Variants in COMMD10 observed in about 807,000 individuals in gnomAD.
The protein encoded by COMMD10 is COMM domain-containing protein 10.
COMMD10 carries 33 observed loss-of-function variants against 28.9 expected under a neutral mutation model. The observed-to-expected ratio is 1.14, with a 90% CI of 0.87 to 1.53. The LOEUF (loss-of-function observed/expected upper bound fraction) is 1.53, where lower values mean the gene tolerates loss of function less well. Ranked by LOEUF, COMMD10 falls within the 40% of genes most tolerant of loss-of-function variation. The pLI is 0.00. For synonymous variants in COMMD10, 110 were observed against 81.7 expected (o/e 1.35, Z -1.87); for missense variants, 310 against 233.4 (o/e 1.33, Z -2.14).
chr5:116,259,168 T>C (rs1190673027), intron 5 of COMMD10, among the ~76,000 whole-genome samples: 1 of 151,152 alleles, frequency 6.6e-6, no homozygotes, highest in East Asian at 1.9e-4. Flanking sequence ...GTTCAAGTGA[T>C]TCTCCCACCT....
intron 5 of COMMD10, among the ~76,000 whole-genome samples, chr5:116,184,765 C>T (rs7734614): frequency 0.31 from 47,675 of 151,860 alleles, 10,365 homozygotes; most frequent in African/African-American, 0.62. Flanking sequence ...TATGAGAAAA[C>T]GTTTTATGGG....
intron 5 of COMMD10, among the ~76,000 whole-genome samples, chr5:116,194,465 CT>C (rs1208722335): frequency 6.6e-6 from 1 of 152,044 alleles, no homozygotes; most frequent in Admixed American, 6.6e-5. Context: ...AATGACCTCA[CT>C]AAGAAACAAA....
chr5:116,195,191 A>G (rs955940754), intron 5 of COMMD10, among the ~76,000 whole-genome samples: 5 of 152,192 alleles, frequency 3.3e-5, no homozygotes, highest in African/African-American at 1.2e-4. Context: ...ATCAATGACA[A>G]ACCCACAGCC....
At chr5:116,108,709 C>T (rs1198212380) in intron 4 of COMMD10, among the ~76,000 whole-genome samples, 1 of 150,890 alleles carries the variant, frequency 6.6e-6, no homozygotes, top group Admixed American at 6.7e-5. Context: ...GATTCACTGG[C>T]ATTCCAGGTG....
At chr5:116,094,409 T>C (rs1750402928) in intron 4 of COMMD10, among the ~76,000 whole-genome samples, 1 of 152,190 alleles carries the variant, frequency 6.6e-6, no homozygotes, top group African/African-American at 2.4e-5. Flanking sequence ...AACAGGTATA[T>C]GAAAAAATGC....
At chr5:116,279,105 C>A (rs185690610) in intron 5 of COMMD10, among the ~76,000 whole-genome samples, 135 of 151,728 alleles carry the variant, frequency 8.9e-4, no homozygotes, top group Non-Finnish European at 1.6e-3. Flanking sequence ...ATTGGAAGCA[C>A]TGTTGGGAGA....
intron 4 of COMMD10, among the ~76,000 whole-genome samples, chr5:116,098,039 A>G (rs181239793): frequency 6.6e-6 from 1 of 152,302 alleles, no homozygotes; most frequent in African/African-American, 2.4e-5. Flanking sequence ...TTTAAAAGTG[A>G]GGAAATAAAA....
chr5:116,107,562 C>T (rs1561604038), intron 4 of COMMD10, among the ~76,000 whole-genome samples: 1 of 152,054 alleles, frequency 6.6e-6, no homozygotes, highest in African/African-American at 2.4e-5. Context: ...TCTGGTTATT[C>T]TAGTTAGCAG....
intron 5 of COMMD10, among the ~76,000 whole-genome samples, chr5:116,144,672 A>G (rs936545164): frequency 6.6e-6 from 1 of 151,864 alleles, no homozygotes; most frequent in Non-Finnish European, 1.5e-5. Flanking sequence ...TGGACATGTG[A>G]CTGTTGGATT....
intron 5 of COMMD10, among the ~76,000 whole-genome samples, chr5:116,234,315 AAC>A (rs1749604117): frequency 6.6e-6 from 1 of 152,218 alleles, no homozygotes; most frequent in Non-Finnish European, 1.5e-5. Context: ...TTTGCTAACG[AAC>A]ACACTCTTAA....
At chr5:116,112,208 A>T (rs1751067844) in intron 4 of COMMD10, among the ~76,000 whole-genome samples, 1 of 152,160 alleles carries the variant, frequency 6.6e-6, no homozygotes, top group Non-Finnish European at 1.5e-5. Flanking sequence ...CTCTTGACTG[A>T]TAATGACTTC....
At chr5:116,115,795 G>A (rs915212854) in intron 4 of COMMD10, among the ~76,000 whole-genome samples, 4 of 152,022 alleles carry the variant, frequency 2.6e-5, no homozygotes, top group African/African-American at 9.7e-5. Context: ...TAAAGGAAAC[G>A]ACTTGAGTTC....
intron 4 of COMMD10, among the ~76,000 whole-genome samples, chr5:116,129,904 A>G (rs1751811436): frequency 6.7e-6 from 1 of 149,726 alleles, no homozygotes. Flanking sequence ...TATCCTTTCT[A>G]TATTTTCTAT....
chr5:116,276,725 A>G (rs4362979), intron 5 of COMMD10, among the ~76,000 whole-genome samples: 148,454 of 151,794 alleles, frequency 0.98, 72,741 homozygotes, highest in East Asian at 1. Context: ...GATACATCTC[A>G]AAAATATTAT....
At chr5:116,253,985 G>C (rs1474331560) in intron 5 of COMMD10, among the ~76,000 whole-genome samples, 1 of 152,070 alleles carries the variant, frequency 6.6e-6, no homozygotes, top group African/African-American at 2.4e-5. Flanking sequence ...TCCTGTTATT[G>C]GTCTTTTCAG....
At chr5:116,234,252 C>T (rs1016388774) in intron 5 of COMMD10, among the ~76,000 whole-genome samples, 2 of 152,216 alleles carry the variant, frequency 1.3e-5, no homozygotes, top group Admixed American at 1.3e-4. Context: ...GAAATACTAT[C>T]AAGGAAAGAC....
chr5:116,257,046 A>T (rs573195431), intron 5 of COMMD10, among the ~76,000 whole-genome samples: 1 of 151,822 alleles, frequency 6.6e-6, no homozygotes, highest in Non-Finnish European at 1.5e-5. Flanking sequence ...TGTTTTTGTT[A>T]AAAGGTTACT....
intron 4 of COMMD10, among the ~76,000 whole-genome samples, chr5:116,126,854 C>T (rs1207601251): frequency 1.3e-5 from 2 of 152,198 alleles, no homozygotes; most frequent in Non-Finnish European, 2.9e-5. Context: ...CCATTCAGGC[C>T]ATAGGCATGG....
chr5:116,237,653 AAG>A (rs1491285496), intron 5 of COMMD10, among the ~76,000 whole-genome samples: 2 of 152,150 alleles, frequency 1.3e-5, no homozygotes, highest in Non-Finnish European at 2.9e-5. Flanking sequence ...CTAGAAAAAA[AAG>A]AGGCAAGATT....
Sources: gnomAD v4.1 joint callset for allele counts (sites outside exome capture counted in the v4.1 genomes callset) on GRCh38, gnomAD v4.1.1 for gene constraint, MANE v1.5 for transcripts, NCBI Gene and HGNC (gene_info 2026-07-23, HGNC 2026-07-21) for gene names.